APOB: variants seen among roughly 807,000 people sequenced by gnomAD.
APOB encodes the protein apolipoprotein B.
APOB carries 153 observed loss-of-function variants against 314.1 expected under a neutral mutation model. The ratio of observed to expected loss-of-function variants is 0.49; its 90% CI spans 0.43 to 0.56. The LOEUF is 0.56. APOB is among the 20% of genes least tolerant of loss of function. APOB has a pLI of 0.00. For synonymous variants in APOB, 2,087 were observed against 2,036.4 expected, an observed-to-expected ratio of 1.02 and a Z score of -0.67; for missense variants, 5,430 against 5,350.7, an observed-to-expected ratio of 1.01 and a Z score of -0.46.
rs568413 is a variant in APOB at position 21,012,603 on chromosome 2, C to T, written c.4265G>A (p.Cys1422Tyr). 1.7e-4 allele frequency: 273 copies of T among 1,613,184 alleles called. No homozygotes were observed. The Middle Eastern group carries it at 3.3e-3, about 19-fold the overall frequency. ...YDHKNTFTLS[C>Y]DGSLRHKFLD... Reference sequence around the variant, plus strand: ...AAATTTGTGGCGTAGAGACCCATCACATGATAGTGTGAACGTATTCTTGTG... The same window carrying T: ...AAATTTGTGGCGTAGAGACCCATCATATGATAGTGTGAACGTATTCTTGTG... The change falls in exon 26 of 29, where the codon TGT becomes TAT. Residue 1422 changes from cysteine (C) to tyrosine (Y), a missense_variant. Cys to Tyr is a radical substitution (Grantham distance 194). Coordinates refer to ENST00000233242, the MANE Select transcript of APOB (RefSeq NM_000384.3).
At chr2:21,042,527 G>T in intron 2 of APOB, 51 bp from the exon 3 acceptor site, 1 of 1,413,988 alleles carries the variant, frequency 7.1e-7, no homozygotes, top group Non-Finnish European at 1.0e-6. Context: ...GCTCTCCCAA[G>T]GACAGCCAAT....
rs540494564 is a variant in APOB, at chr2:21,003,212, CAG to C, written c.12208_12209del (p.Leu4070GlufsTer13). On this transcript the variant is annotated frameshift_variant, in exon 29 of 29. Transcript: ENST00000233242. LOFTEE classifies it low-confidence loss of function (END_TRUNC). ...CTGTGGCCTTGGGCACGTTGTCTTT[CAG>C]AGAGGTTAGCAAGCCAGAAGCTGCC... ...EEAASGLLTS[L>X]KDNVPKATGV... 1 of 1,614,004 alleles carries C rather than the reference CAG, an allele frequency of 6.2e-7. No individual in the cohort carries two copies. The highest frequency in any genetic ancestry group is 8.5e-7 in the Non-Finnish European group (1 of 1,179,948).
At chr2:21,025,176 CT>C (rs1214307134) in intron 15 of APOB, 52 bp from the exon 16 acceptor site, 4 of 1,568,556 alleles carry the variant, frequency 2.6e-6, no homozygotes, top group Non-Finnish European at 3.5e-6. Context: ...TGTCAAACAC[CT>C]TTCAGTTCCC....
At position 21,027,821 on chromosome 2, in the gene APOB, C is replaced by G; in HGVS notation, c.2067+7G>C. 1 of 1,603,432 alleles carries G rather than the reference C, an allele frequency of 6.2e-7. No individual in the cohort carries two copies. Among genetic ancestry groups the G allele is most frequent in the East Asian group, 2.2e-5 (1 of 44,806 alleles). Reference sequence around the variant, plus strand: ...GGGCTAGAGAACCTCAAACTCTTCACACTTACCTCGATGAGGTCAGCTGAA... The same window carrying G: ...GGGCTAGAGAACCTCAAACTCTTCAGACTTACCTCGATGAGGTCAGCTGAA... On this transcript the variant is annotated splice_region_variant and intron_variant, in intron 14 of 28. Coordinates refer to ENST00000233242, the MANE Select transcript of APOB (RefSeq NM_000384.3).
chr2:21,009,957 G>C lies in APOB; in HGVS notation c.6911C>G (p.Thr2304Arg). ...VRVLLDQLGT[T>R]ISFERINDIL... ...GTCATTTATTCTTTCAAATGAAATT[G>C]TAGTTCCCAATTGATCTAAAAGCAC... is the stretch of plus-strand genomic sequence containing the variant. Residue 2304 changes from threonine (T) to arginine (R), a missense_variant, in exon 26 of 29, where the codon ACA becomes AGA. Physicochemically the swap from Thr to Arg is moderately conservative, Grantham distance 71 (BLOSUM62 -1). This residue lies in a region of APOB where 3,281 missense variants were observed against 3,171.0 expected (regional missense o/e 1.03). Coordinates refer to ENST00000233242, the MANE Select transcript of APOB (RefSeq NM_000384.3). The C allele has an allele frequency of 6.2e-7, 1 of 1,613,696 alleles. No individual in the cohort carries two copies.
chr2:21,023,225 C>G (rs1261712022), intron 17 of APOB, among the ~76,000 whole-genome samples, 183 bp from the exon 18 acceptor site: 2 of 152,130 alleles, frequency 1.3e-5, no homozygotes, highest in South Asian at 2.1e-4. Flanking sequence ...TTGGAGTATA[C>G]TACCCAGAAC....
chr2:21,033,111 C>T lies in APOB; in HGVS notation c.1124+188G>A, dbSNP rs368719674. Among the ~76,000 whole-genome samples the T allele has an allele frequency of 5.3e-5, 8 of 152,152 alleles. No homozygotes were observed. The East Asian group carries it at 1.3e-3, about 26-fold the overall frequency. On this transcript the variant is annotated intron_variant, in intron 9 of 28. Coordinates refer to ENST00000233242, the MANE Select transcript of APOB (RefSeq NM_000384.3). ...ATAGCTGCCTTGAACACAGTATGCGCGTGTGTGTTTCATGGAACTCAGCGC... is the reference window on the plus strand; with the variant it reads ...ATAGCTGCCTTGAACACAGTATGCGTGTGTGTGTTTCATGGAACTCAGCGC...
chr2:21,027,258 A>AT (rs1233895000), intron 14 of APOB, among the ~76,000 whole-genome samples: 6 of 151,810 alleles, frequency 4.0e-5, no homozygotes, highest in Non-Finnish European at 7.4e-5. Context: ...TAGGCAGCAC[A>AT]TATGCTTCCT....
In APOB at chr2:21,012,313, T is replaced by C; in HGVS notation, c.4555A>G (p.Asn1519Asp). The stretch of plus-strand genomic sequence containing the variant: ...AGGTAGGAGGAGTTAAACCTCAGGT[T>C]GGACTCTCCATTGAGCCGGCCAGTG... The part of the protein sequence containing the change: ...PNTGRLNGES[N>D]LRFNSSYLQG... Residue 1519 changes from asparagine to aspartate, a missense_variant, in exon 26 of 29, where the codon AAC (asparagine) becomes GAC (aspartate). Around this residue, in one of 3 missense-constraint regions of APOB, gnomAD observed 2,085 missense variants for 2,079.7 expected, o/e 1.00. Transcript: ENST00000233242. The C allele has an allele frequency of 6.2e-7, 1 of 1,614,172 alleles. No individual in the cohort carries two copies. Among genetic ancestry groups the C allele is most frequent in the African/African-American group, 1.3e-5 (1 of 75,028 alleles).
intron 21 of APOB, among the ~76,000 whole-genome samples, chr2:21,016,183 G>A (rs955456897): frequency 2.0e-5 from 3 of 152,098 alleles, no homozygotes; most frequent in Non-Finnish European, 4.4e-5. Context: ...AGCTCCTTGG[G>A]AGGCTTAAGC....
Position 21,005,794 on chromosome 2 carries a change from CATCCAGCTTTAGGAA to C in APOB, c.11059_11073del (p.Phe3687_Asp3691del). On this transcript the variant is annotated inframe_deletion, in exon 26 of 29. Coordinates refer to ENST00000233242, the MANE Select transcript of APOB (RefSeq NM_000384.3). ...TGTCTCCTACCAATGCTGGTGGTTA[CATCCAGCTTTAGGAA>C]ATCCCATAAGCTCTTGTCATAGACT... 6.2e-7 allele frequency: 1 copy of C among 1,614,010 alleles called. No individual in the cohort carries two copies. The highest frequency in any genetic ancestry group is 8.5e-7 in the Non-Finnish European group (1 of 1,179,964).
Position 21,013,261 on chromosome 2 carries a change from G to C in APOB, c.4115C>G (p.Ser1372Cys). The C allele has an allele frequency of 6.2e-7, 1 of 1,614,226 alleles. No individual in the cohort carries two copies. Among genetic ancestry groups the C allele is most frequent in the South Asian group, 1.1e-5 (1 of 91,090 alleles). Residue 1372 changes from serine to cysteine, a missense_variant, in exon 25 of 29, where the codon TCC (serine) becomes TGC (cysteine). Ser to Cys is a moderately radical substitution (Grantham distance 112, BLOSUM62 -1). Coordinates refer to ENST00000233242, the MANE Select transcript of APOB (RefSeq NM_000384.3). ...TGTGCTGGTGTTGCCACCACTGTAG[G>C]AGGCGGACCAGTTGTACAAGTTGCT... ...VYSNLYNWSA[S>C]YSGGNTSTDH...
chr2:21,005,490 T>A lies in APOB; in HGVS notation c.11378A>T (p.Glu3793Val). The A allele has an allele frequency of 6.2e-7, 1 of 1,614,034 alleles. No individual in the cohort carries two copies. The highest frequency in any genetic ancestry group is 8.5e-7 in the Non-Finnish European group (1 of 1,179,964). Residue 3793 changes from glutamate to valine, a missense_variant, in exon 26 of 29, where the codon GAA becomes GTA. Around this residue, in one of 3 missense-constraint regions of APOB, gnomAD observed 3,281 missense variants for 3,171.0 expected, o/e 1.03. Transcript: ENST00000233242. The part of the protein sequence containing the change: ...LPTLPEVKFP[E>V]VDVLTKYSQP... Reference sequence around the variant, plus strand: ...AGAATATTTTGTTAACACATCAACTTCAGGGAATTTTACCTCGGGGAGTGT... The same window carrying A: ...AGAATATTTTGTTAACACATCAACTACAGGGAATTTTACCTCGGGGAGTGT...
At position 21,011,109 on chromosome 2, in the gene APOB, C is replaced by A; in HGVS notation, c.5759G>T (p.Trp1920Leu). ...HTNGNGKLAL[W>L]GEHTGQLYSK... is the part of the protein sequence containing the mutation. ...ATACAGCTGCCCAGTATGTTCTCCCCAGAGAGCGAGTTTCCCATTGCCATT... is the reference window on the plus strand; with the variant it reads ...ATACAGCTGCCCAGTATGTTCTCCCAAGAGAGCGAGTTTCCCATTGCCATT... Residue 1920 changes from tryptophan (W) to leucine (L), a missense_variant, in exon 26 of 29, where the codon TGG becomes TTG. By Grantham distance (61) the Trp-to-Leu change is moderately conservative. Around this residue, in one of 3 missense-constraint regions of APOB, gnomAD observed 3,281 missense variants for 3,171.0 expected, o/e 1.03. Coordinates refer to ENST00000233242, the MANE Select transcript of APOB (RefSeq NM_000384.3). 6.2e-7 allele frequency: 1 copy of A among 1,614,210 alleles called. No individual in the cohort carries two copies.
chr2:21,009,686 A>G lies in APOB; in HGVS notation c.7182T>C (p.Val2394=). ...VKIKDYFEKL[V]GFIDDAVKKL... Reference sequence around the variant, plus strand: ...TCTTGACAGCATCATCAATAAATCCAACCAATTTCTCAAAGTAATCTTTTA... The same window carrying G: ...TCTTGACAGCATCATCAATAAATCCGACCAATTTCTCAAAGTAATCTTTTA... The change falls in exon 26 of 29, where the codon GTT becomes GTC. Residue 2394 remains valine (V), a synonymous_variant. Coordinates refer to ENST00000233242, the MANE Select transcript of APOB (RefSeq NM_000384.3). 6.2e-7 allele frequency: 1 copy of G among 1,613,332 alleles called. No individual in the cohort carries two copies. The highest frequency in any genetic ancestry group is 8.5e-7 in the Non-Finnish European group (1 of 1,179,556).
At position 21,006,196 on chromosome 2, in the gene APOB, G is replaced by A. The variant is rs12713559; in HGVS notation, c.10672C>T (p.Arg3558Cys). 1,161 of 1,614,022 alleles carry A rather than the reference G, an allele frequency of 7.2e-4. No homozygotes were observed. The highest frequency in any genetic ancestry group is 8.8e-4 in the Non-Finnish European group (1,037 of 1,179,960). Residue 3558 changes from arginine (R) to cysteine (C), a missense_variant, in exon 26 of 29, where the codon CGC (arginine) becomes TGC (cysteine). Arg to Cys is a radical substitution (Grantham distance 180, BLOSUM62 -3). Transcript: ENST00000233242. ...ENFAGEATLQ[R>C]IYSLWEHSTK... ...CTGTGCTCCCAGAGGGAATATATGCGTTGGAGTGTGGCTTCTCCAGCAAAA... is the reference window on the plus strand; with the variant it reads ...CTGTGCTCCCAGAGGGAATATATGCATTGGAGTGTGGCTTCTCCAGCAAAA...
Position 21,032,420 on chromosome 2 carries a change from A to C in APOB, c.1286T>G (p.Ile429Ser), listed in dbSNP as rs766709743. The C allele has an allele frequency of 8.1e-6, 13 of 1,613,980 alleles. No individual in the cohort carries two copies. Among genetic ancestry groups the C allele is most frequent in the Non-Finnish European group, 1.1e-5 (13 of 1,180,032 alleles). The change falls in exon 10 of 29, where the codon ATC (isoleucine) becomes AGC (serine). Residue 429 changes from isoleucine (I) to serine (S), a missense_variant. Coordinates refer to ENST00000233242, the MANE Select transcript of APOB (RefSeq NM_000384.3). The stretch of plus-strand genomic sequence containing the variant: ...GCGCTGATCCCTCGCCATGTTGAAG[A>C]TCTCTCGCAGCTGCTGTGCTGAGGG... ...PEPSAQQLRE[I>S]FNMARDQRSR...
rs1362171664 is a variant in APOB, at chr2:21,015,123, C to T, written c.3646G>A (p.Val1216Ile). 6.2e-7 allele frequency: 1 copy of T among 1,614,196 alleles called. No individual in the cohort carries two copies. Among genetic ancestry groups the T allele is most frequent in the Non-Finnish European group, 8.5e-7 (1 of 1,180,044 alleles). The change falls in exon 23 of 29, where the codon GTC becomes ATC. Residue 1216 changes from valine (V) to isoleucine (I), a missense_variant. Val to Ile is a conservative substitution (Grantham distance 29, BLOSUM62 3). Transcript: ENST00000233242. Reference sequence around the variant, plus strand: ...CGGAAAGTCATGTCTGTTTGAGGGACTCTGTGATCCAGGAGTCTATTAGCA... The same window carrying T: ...CGGAAAGTCATGTCTGTTTGAGGGATTCTGTGATCCAGGAGTCTATTAGCA... Reference protein sequence around the residue: ...MYANRLLDHRVPQTDMTFRHV... With the variant: ...MYANRLLDHRIPQTDMTFRHV...
Position 21,043,893 on chromosome 2 carries a change from AGCAGCGCAG to A in APOB, c.44_52del (p.Pro15_Leu17del), listed in dbSNP as rs1490902367. 8.2e-6 allele frequency: 12 copies of A among 1,460,696 alleles called. No individual in the cohort carries two copies. The highest frequency in any genetic ancestry group is 1.1e-5 in the Non-Finnish European group (12 of 1,111,038). 90.5% of individuals were successfully genotyped at this position (1,460,696 alleles called of 1,614,324 possible). A position where few individuals can be genotyped will look rare whatever the true frequency, so the allele number is the denominator to read the frequency against. ...CCTGGCGCCCGCCAGCAGCAGCAGCAGCAGCGCAGGCAGCGCCAGCAGCGCCAGCAGCGC... is the reference window on the plus strand; with the variant it reads ...CCTGGCGCCCGCCAGCAGCAGCAGCAGCAGCGCCAGCAGCGCCAGCAGCGC... On this transcript the variant is annotated inframe_deletion, in exon 1 of 29. Transcript: ENST00000233242.
Sources: allele counts gnomAD v4.1 joint callset (sites outside exome capture counted in the v4.1 genomes callset), GRCh38; gene constraint gnomAD v4.1.1; regional missense constraint gnomAD v4.1.1; transcripts MANE v1.5; gene names NCBI Gene and HGNC (gene_info 2026-07-23, HGNC 2026-07-21).